The following GRID1 variants were observed in gnomAD, a reference collection of about 807,000 sequenced individuals.
GRID1 encodes glutamate ionotropic receptor delta type subunit 1.
A neutral mutation model predicts 98.0 loss-of-function variants in GRID1; 28 were observed. The observed-to-expected ratio is 0.29, with a 90% CI of 0.21 to 0.39. The LOEUF is 0.39. GRID1 is among the 10% of genes least tolerant of loss of function. The pLI is 1.00. For synonymous variants in GRID1, 553 were observed against 538.5 expected (o/e 1.03, Z -0.37); for missense variants, 1,111 against 1,340.5 (o/e 0.83, Z 2.67).
chr10:86,090,017 G>A (rs181255352), intron 4 of GRID1, among the ~76,000 whole-genome samples: 1,964 of 152,218 alleles, frequency 0.013, 44 homozygotes, highest in African/African-American at 0.045. Flanking sequence ...AAAGTGCTGG[G>A]ATTACAGGTG....
chr10:86,133,106 T>G (rs1844863428), intron 4 of GRID1, among the ~76,000 whole-genome samples: 1 of 152,214 alleles, frequency 6.6e-6, no homozygotes, highest in Non-Finnish European at 1.5e-5. Flanking sequence ...TAGCTGCCAT[T>G]TCTTTTCCAA....
intron 5 of GRID1, among the ~76,000 whole-genome samples, chr10:85,880,893 T>C (rs1227640155): frequency 6.6e-6 from 1 of 152,128 alleles, no homozygotes; most frequent in Non-Finnish European, 1.5e-5. Flanking sequence ...AAGCCCAAAA[T>C]CTCCTTAAGC....
intron 8 of GRID1, among the ~76,000 whole-genome samples, chr10:85,791,877 G>A (rs940162747): frequency 2.0e-5 from 3 of 152,120 alleles, no homozygotes; most frequent in African/African-American, 7.2e-5. Flanking sequence ...ACAAAGCCAG[G>A]GGACCCTGGG....
In GRID1 at chr10:86,353,739, C is replaced by T. The variant is rs565510925; in HGVS notation, c.235+10202G>A. Among the ~76,000 whole-genome samples, 9 of 152,318 alleles carry T rather than the reference C, an allele frequency of 5.9e-5. No homozygotes were observed. The South Asian group carries it at 1.2e-3, about 21-fold the overall frequency. On this transcript the variant is annotated intron_variant, in intron 2 of 15. Coordinates refer to ENST00000327946, the MANE Select transcript of GRID1 (RefSeq NM_017551.3). ...GCTGGCAAACTGCAGGACTTGGGGA[C>T]GGCCCACGGGGTTGTTTTAGTTACG... is the stretch of plus-strand genomic sequence containing the variant.
intron 2 of GRID1, among the ~76,000 whole-genome samples, chr10:86,243,323 A>C (rs1186448089): frequency 1.3e-5 from 2 of 152,184 alleles, no homozygotes; most frequent in Non-Finnish European, 2.9e-5. Context: ...AGCCATCCTC[A>C]GATGGAGTCT....
At chr10:85,776,560 G>A (rs1590227257) in intron 8 of GRID1, among the ~76,000 whole-genome samples, 1 of 152,264 alleles carries the variant, frequency 6.6e-6, no homozygotes, top group East Asian at 1.9e-4. Flanking sequence ...CCTCCACATA[G>A]CCAGCAGCCG....
At chr10:86,181,470 C>T (rs2132001418) in intron 3 of GRID1, among the ~76,000 whole-genome samples, 1 of 152,338 alleles carries the variant, frequency 6.6e-6, no homozygotes, top group South Asian at 2.1e-4. Flanking sequence ...TACATGGGAA[C>T]AGACTTCTCT....
At chr10:86,360,218 A>G (rs1361320367) in intron 2 of GRID1, among the ~76,000 whole-genome samples, 1 of 152,242 alleles carries the variant, frequency 6.6e-6, no homozygotes, top group African/African-American at 2.4e-5. Context: ...TACTAGAAGT[A>G]ATGTTTACAA....
Position 85,602,584 on chromosome 10 carries a change from C to A in GRID1, c.2719G>T (p.Gly907Cys). Residue 907 changes from glycine (G) to cysteine (C), a missense_variant, in exon 16 of 16, where the codon GGC becomes TGC. Gly to Cys is a radical substitution (Grantham distance 159). Coordinates refer to ENST00000327946, the MANE Select transcript of GRID1 (RefSeq NM_017551.3). The part of the protein sequence containing the change: ...SIELSALEMG[G>C]LAPTQTLEPT... ...TCCAAGGTCTGGGTGGGAGCCAGGCCCCCCATCTCCAGGGCCGAGAGCTCA... is the reference window on the plus strand; with the variant it reads ...TCCAAGGTCTGGGTGGGAGCCAGGCACCCCATCTCCAGGGCCGAGAGCTCA... The A allele has an allele frequency of 6.2e-7, 1 of 1,614,072 alleles. No individual in the cohort carries two copies.
intron 12 of GRID1, among the ~76,000 whole-genome samples, chr10:85,689,901 T>C (rs1410089740): frequency 6.6e-6 from 1 of 152,164 alleles, no homozygotes; most frequent in Non-Finnish European, 1.5e-5. Context: ...TGTAGGAGTT[T>C]AGAAAATAAA....
intron 8 of GRID1, among the ~76,000 whole-genome samples, chr10:85,760,278 T>C (rs1836087789): frequency 6.6e-6 from 1 of 152,228 alleles, no homozygotes; most frequent in Non-Finnish European, 1.5e-5. Context: ...TCAGCTTTAT[T>C]AGATGCCTGA....
At chr10:86,341,497 G>T (rs1848309835) in intron 2 of GRID1, among the ~76,000 whole-genome samples, 1 of 152,170 alleles carries the variant, frequency 6.6e-6, no homozygotes, top group African/African-American at 2.4e-5. Flanking sequence ...CAGTGAGGGT[G>T]AGCATCCTCC....
At chr10:86,081,322 T>C (rs895103055) in intron 4 of GRID1, among the ~76,000 whole-genome samples, 4 of 152,142 alleles carry the variant, frequency 2.6e-5, no homozygotes, top group African/African-American at 9.7e-5. Context: ...AGCTGACTGA[T>C]ATGATCCATT....
intron 8 of GRID1, among the ~76,000 whole-genome samples, chr10:85,766,182 T>C (rs1422511833): frequency 2.0e-5 from 3 of 152,146 alleles, no homozygotes; most frequent in Non-Finnish European, 4.4e-5. Context: ...CTTGGAAGGG[T>C]TTCCTTAAAT....
rs59101010 is a variant in GRID1, at chr10:85,802,838, A to AACACACACACAC, written c.1233+51646_1233+51657dup. Among the ~76,000 whole-genome samples, 134 of 120,962 alleles carry AACACACACACAC rather than the reference A, an allele frequency of 1.1e-3. 1 individual carries two copies. Among genetic ancestry groups the AACACACACACAC allele is most frequent in the African/African-American group, 2.1e-3 (66 of 31,760 alleles). 79.4% of individuals were successfully genotyped at this position (120,962 alleles called of 152,430 possible). A position where few individuals can be genotyped will look rare whatever the true frequency, so the allele number is the denominator to read the frequency against. On this transcript the variant is annotated intron_variant, in intron 8 of 15. Coordinates refer to ENST00000327946, the MANE Select transcript of GRID1 (RefSeq NM_017551.3). ...GAACTCCAAGCATCCAAGCAGAATAAACACACACACACACACACACACACA... is the reference window on the plus strand; with the variant it reads ...GAACTCCAAGCATCCAAGCAGAATAAACACACACACACACACACACACACACACACACACACA...
intron 4 of GRID1, among the ~76,000 whole-genome samples, chr10:86,122,685 C>T (rs780370338): frequency 6.6e-5 from 10 of 152,250 alleles, no homozygotes; most frequent in Non-Finnish European, 1.5e-4. Flanking sequence ...AAATTGGTCA[C>T]TGAATTAAAT....
chr10:86,339,910 C>CCT (rs1313409250), intron 2 of GRID1, among the ~76,000 whole-genome samples: 1 of 152,188 alleles, frequency 6.6e-6, no homozygotes, highest in Non-Finnish European at 1.5e-5. Flanking sequence ...AACCCATCGT[C>CCT]CAGCCAAGTG....
intron 6 of GRID1, among the ~76,000 whole-genome samples, chr10:85,868,444 A>G (rs17105912): frequency 6.6e-6 from 1 of 152,134 alleles, no homozygotes; most frequent in Non-Finnish European, 1.5e-5. Context: ...AGGACTGACC[A>G]GAAACACTTG....
chr10:85,973,363 A>T (rs1283115833), intron 4 of GRID1, among the ~76,000 whole-genome samples: 1 of 152,060 alleles, frequency 6.6e-6, no homozygotes, highest in Non-Finnish European at 1.5e-5. Context: ...ACTTTTTGCT[A>T]TTTGTAGTTA....
Sources: allele counts gnomAD v4.1 joint callset (sites outside exome capture counted in the v4.1 genomes callset), GRCh38; gene constraint gnomAD v4.1.1; transcripts MANE v1.5; gene names NCBI Gene and HGNC (gene_info 2026-07-23, HGNC 2026-07-21).